DST: variants seen among roughly 807,000 people sequenced by gnomAD.
DST encodes bullous pemphigoid antigen.
Under a neutral mutation model 875.2 loss-of-function variants are expected in DST, and 253 were observed. The observed-to-expected ratio is 0.29, with a 90% confidence interval of 0.26 to 0.32. DST has a LOEUF of 0.32. Ranked by LOEUF, DST falls within the 10% of genes least tolerant of loss-of-function variation. DST has a pLI of 1.00. For missense variants in DST, 8,287 were observed against 9,111.6 expected (o/e 0.91, Z 3.68); for synonymous variants, 3,124 against 3,197.1 (o/e 0.98, Z 0.77).
intron 4 of DST, among the ~76,000 whole-genome samples, chr6:56,792,515 G>A (rs528326767): frequency 1.3e-4 from 19 of 151,912 alleles, no homozygotes; most frequent in African/African-American, 4.6e-4. Flanking sequence ...TGCCCAGGCT[G>A]GCCTGTAACT....
intron 4 of DST, among the ~76,000 whole-genome samples, chr6:56,737,071 G>A (rs1283516159): frequency 3.3e-5 from 5 of 152,198 alleles, no homozygotes; most frequent in Admixed American, 2.6e-4. Context: ...GCATGCACCT[G>A]TAGTCTCAGC....
At chr6:56,848,901 A>T (rs1456241761) in intron 4 of DST, among the ~76,000 whole-genome samples, 9 of 151,434 alleles carry the variant, frequency 5.9e-5, no homozygotes, top group Non-Finnish European at 1.3e-4. Context: ...TTAGCTGGGC[A>T]TGGTGGTGCA....
chr6:56,752,293 T>C (rs1181113870), intron 4 of DST, among the ~76,000 whole-genome samples: 1 of 151,422 alleles, frequency 6.6e-6, no homozygotes, highest in Non-Finnish European at 1.5e-5. Context: ...GACAGAACTA[T>C]GCAAAAAGAG....
chr6:56,550,897 CTA>C (rs1562722050), intron 61 of DST, among the ~76,000 whole-genome samples: 1 of 152,102 alleles, frequency 6.6e-6, no homozygotes, highest in Non-Finnish European at 1.5e-5. Context: ...TGCCACAGAA[CTA>C]TGTTTTTCTA....
intron 2 of DST, among the ~76,000 whole-genome samples, chr6:56,904,194 T>A (rs544052272): frequency 6.6e-6 from 1 of 152,252 alleles, no homozygotes. Flanking sequence ...TTATTCATAC[T>A]ATCTAAAAAA....
chr6:56,937,167 AT>A (rs1167651160), intron 2 of DST, among the ~76,000 whole-genome samples: 1 of 152,126 alleles, frequency 6.6e-6, no homozygotes, highest in East Asian at 1.9e-4. Context: ...AAGAAAAATA[AT>A]TGATAAATTG....
chr6:56,745,561 G>A lies in DST; in HGVS notation c.626-10272C>T, dbSNP rs530460581. ...AATAATGGTTTTAAAATAGTTGGGT[G>A]GGAAGAATATTTCAAAACAAGTCAT... On this transcript the variant is annotated intron_variant, in intron 4 of 103. Coordinates refer to ENST00000680361, the MANE Select transcript of DST (RefSeq NM_001374736.1). 2.0e-5 allele frequency among the ~76,000 whole-genome samples: 3 copies of A among 152,142 alleles called. No individual in the cohort carries two copies. In the East Asian group the frequency reaches 5.8e-4, roughly 29 times the overall value.
intron 31 of DST, 139 bp downstream of exon 31, chr6:56,630,106 T>A: frequency 2.9e-6 from 2 of 699,548 alleles, no homozygotes; most frequent in Non-Finnish European, 2.4e-6. Context: ...TAGAGTAAAC[T>A]GTGAGATCAC....
rs1321822770 is a variant in DST at position 56,497,866 on chromosome 6, G to T, written c.20084C>A (p.Ala6695Asp). 3 of 1,608,320 alleles carry T rather than the reference G, an allele frequency of 1.9e-6. No individual in the cohort carries two copies. The highest frequency in any genetic ancestry group is 2.2e-5 in the East Asian group (1 of 44,800). ...TEQRKQQLDG[A>D]LRQAKGFHGE... ...TATTCTCTTACTCACCTGGCGCAAGGCACCATCCAGCTGCTGCTTCCTTTG... is the reference window on the plus strand; with the variant it reads ...TATTCTCTTACTCACCTGGCGCAAGTCACCATCCAGCTGCTGCTTCCTTTG... The change falls in exon 81 of 104, where the codon GCC (alanine) becomes GAC (aspartate). Residue 6695 changes from alanine to aspartate, a missense_variant. Coordinates refer to ENST00000680361, the MANE Select transcript of DST (RefSeq NM_001374736.1).
chr6:56,860,417 C>CA (rs1254122750), intron 3 of DST, among the ~76,000 whole-genome samples: 9 of 152,086 alleles, frequency 5.9e-5, no homozygotes, highest in African/African-American at 2.2e-4. Context: ...GGACAACAAA[C>CA]AAAAATAGAT....
intron 10 of DST, among the ~76,000 whole-genome samples, chr6:56,660,752 T>A (rs2099035886): frequency 6.6e-6 from 1 of 151,756 alleles, no homozygotes; most frequent in African/African-American, 2.4e-5. Flanking sequence ...CCTGAGTTTT[T>A]TCAAACATTC....
At chr6:56,744,326 A>G (rs1471573323) in intron 4 of DST, among the ~76,000 whole-genome samples, 1 of 151,856 alleles carries the variant, frequency 6.6e-6, no homozygotes, top group Non-Finnish European at 1.5e-5. Flanking sequence ...GAGTTTAAGG[A>G]TCAGATGTGA....
rs922445999 is a variant in DST, at chr6:56,868,101, T to TG, written c.418-16498dup. On this transcript the variant is annotated intron_variant, in intron 3 of 103. Coordinates refer to ENST00000680361, the MANE Select transcript of DST (RefSeq NM_001374736.1). ...GGGTTTTCTAAATCAATTTTAAACA[T>TG]GGGGGGTGTCAGTTCATTTTACAAA... 2.6e-5 allele frequency among the ~76,000 whole-genome samples: 4 copies of TG among 152,308 alleles called. No individual in the cohort carries two copies. In the South Asian group the frequency reaches 6.2e-4, roughly 24 times the overall value.
At chr6:56,503,559 T>C in intron 78 of DST, among the ~76,000 whole-genome samples, 1 of 149,164 alleles carries the variant, frequency 6.7e-6, no homozygotes, top group East Asian at 2.0e-4. Flanking sequence ...ATCCTTACAC[T>C]ATTATCTAAA....
intron 97 of DST, 34 bp from the exon 98 acceptor site, chr6:56,469,033 T>G: frequency 6.5e-7 from 1 of 1,546,810 alleles, no homozygotes; most frequent in Non-Finnish European, 8.8e-7. Context: ...AAAGACACAA[T>G]TAGTTCAACA....
At chr6:56,740,207 C>T (rs1192276833) in intron 4 of DST, among the ~76,000 whole-genome samples, 1 of 152,006 alleles carries the variant, frequency 6.6e-6, no homozygotes. Flanking sequence ...ATTCTGTGGA[C>T]TCACCCTGAA....
At chr6:56,736,720 T>A (rs1391484529) in intron 4 of DST, among the ~76,000 whole-genome samples, 5 of 152,262 alleles carry the variant, frequency 3.3e-5, no homozygotes, top group African/African-American at 7.2e-5. Flanking sequence ...GTATTTATGT[T>A]CTCTAGAATA....
intron 59 of DST, among the ~76,000 whole-genome samples, chr6:56,556,664 T>TA (rs2097424751): frequency 6.6e-6 from 1 of 152,178 alleles, no homozygotes; most frequent in South Asian, 2.1e-4. Flanking sequence ...TACTCAGACA[T>TA]TAAAAAACTA....
At chr6:56,851,931 C>G in intron 3 of DST, 1 of 1,530,438 alleles carries the variant, frequency 6.5e-7, no homozygotes, top group Non-Finnish European at 8.8e-7. Context: ...CCAGAATCAA[C>G]AGCCTTCCTG....
Sources: gnomAD v4.1 joint callset for allele counts (sites outside exome capture counted in the v4.1 genomes callset) on GRCh38, gnomAD v4.1.1 for gene constraint, MANE v1.5 for transcripts, NCBI Gene and HGNC (gene_info 2026-07-23, HGNC 2026-07-21) for gene names.